Variants in NHS observed in about 807,000 individuals in gnomAD.
NHS encodes the protein actin remodeling regulator NHS.
A neutral mutation model predicts 72.5 loss-of-function variants in NHS; 5 were observed. The observed-to-expected ratio is 0.07, with a 90% confidence interval of 0.04 to 0.14. The LOEUF (loss-of-function observed/expected upper bound fraction) is 0.14, where lower values mean the gene tolerates loss of function less well. Ranked by LOEUF, NHS falls within the 10% of genes least tolerant of loss-of-function variation. The probability of loss-of-function intolerance (pLI) is 1.00; values close to 1 mark genes in which losing one functional copy is unlikely to be tolerated. For missense variants in NHS, 1,072 were observed against 1,355.7 expected (o/e 0.79, Z 3.29); for synonymous variants, 464 against 547.7 (o/e 0.85, Z 2.13).
intron 1 of NHS, among the ~76,000 whole-genome samples, chrX:17,474,696 G>A (rs993637959): frequency 1.8e-5 from 2 of 112,052 alleles, no homozygotes; most frequent in African/African-American, 6.5e-5. Context: ...TAGGTAGGGG[G>A]CAGGAGCTTG....
intron 1 of NHS, among the ~76,000 whole-genome samples, chrX:17,602,998 G>A (rs767083154): frequency 4.4e-4 from 48 of 109,660 alleles, no homozygotes; most frequent in African/African-American, 1.3e-3. Flanking sequence ...GTACCACCAC[G>A]CCCAGCTAAT....
intron 1 of NHS, among the ~76,000 whole-genome samples, chrX:17,531,498 G>T (rs1230800372): frequency 8.9e-6 from 1 of 112,083 alleles, no homozygotes; most frequent in East Asian, 2.8e-4. Context: ...AGCCTCTCTT[G>T]CATTTGTCCA....
chrX:17,718,130 AC>A (rs1489680082), intron 3 of NHS, among the ~76,000 whole-genome samples: 1 of 110,321 alleles, frequency 9.1e-6, no homozygotes, highest in African/African-American at 3.3e-5. Flanking sequence ...AATCCTCAAA[AC>A]AGCCCTGGAG....
chrX:17,628,917 T>C (rs2065811654), intron 1 of NHS, among the ~76,000 whole-genome samples: 2 of 113,047 alleles, frequency 1.8e-5, no homozygotes, highest in Non-Finnish European at 3.7e-5. Flanking sequence ...TCAATACATA[T>C]TTGCTGAATG....
intron 1 of NHS, among the ~76,000 whole-genome samples, chrX:17,496,410 A>G (rs1301498089): frequency 9.0e-6 from 1 of 111,248 alleles, no homozygotes; most frequent in African/African-American, 3.3e-5. Flanking sequence ...GTTTTTGACC[A>G]CTTTCTGGGA....
intron 1 of NHS, among the ~76,000 whole-genome samples, chrX:17,474,492 G>T (rs945188723): frequency 1.5e-4 from 17 of 111,680 alleles, no homozygotes; most frequent in African/African-American, 5.5e-4. Context: ...CTACTGGGGA[G>T]TGCCAGTGGA....
rs147762357 is a variant in NHS, at chrX:17,695,079, T to A, written c.852+2611T>A. Among the ~76,000 whole-genome samples the A allele has an allele frequency of 7.1e-5, 8 of 112,591 alleles. No individual in the cohort carries two copies. The East Asian group carries it at 2.2e-3, about 31-fold the overall frequency. Reference sequence around the variant, plus strand: ...AATGTGAGTCTATATTCAAAATCGTTTACAATAAAATTCTTACCATCAAAT... The same window carrying A: ...AATGTGAGTCTATATTCAAAATCGTATACAATAAAATTCTTACCATCAAAT... On this transcript the variant is annotated intron_variant, in intron 3 of 8. Coordinates refer to ENST00000676302, the MANE Select transcript of NHS (RefSeq NM_001291867.2).
chrX:17,537,208 C>G (rs2065230296), intron 1 of NHS, among the ~76,000 whole-genome samples: 2 of 112,062 alleles, frequency 1.8e-5, no homozygotes, highest in African/African-American at 3.2e-5. Context: ...TTTGCCTGTT[C>G]TGTTAGGTTT....
intron 1 of NHS, chrX:17,557,109 TTGTGTGTGTGTGTGTG>T (rs56659086): frequency 1.4e-4 from 12 of 87,664 alleles, no homozygotes; most frequent in East Asian, 1.1e-3. Context: ...AAGGGGGATT[TTGTGTGTGTGTGTGTG>T]TGTGTGTGTG....
chrX:17,675,448 T>C (rs1365818817), intron 1 of NHS, among the ~76,000 whole-genome samples: 3 of 112,346 alleles, frequency 2.7e-5, no homozygotes. Flanking sequence ...TTTCTAGTCC[T>C]GTCTACTGAA....
chrX:17,440,258 TAAAAAAAAAAAA>T (rs1036618487), intron 1 of NHS, among the ~76,000 whole-genome samples: 3 of 37,304 alleles, frequency 8.0e-5, no homozygotes, highest in African/African-American at 1.2e-4. Context: ...GACTCAGTCT[TAAAAAAAAAAAA>T]AAAAAAAAAA....
intron 2 of NHS, among the ~76,000 whole-genome samples, chrX:17,691,197 T>G (rs1427568790): frequency 8.9e-6 from 1 of 111,969 alleles, no homozygotes; most frequent in African/African-American, 3.3e-5. Context: ...ACTACTCCCC[T>G]CCTTTCACTT....
chrX:17,494,118 A>C (rs2065002622), intron 1 of NHS, among the ~76,000 whole-genome samples: 1 of 88,909 alleles, frequency 1.1e-5, no homozygotes. Flanking sequence ...TCACTCTATC[A>C]CCCAGGCTGT....
chrX:17,685,599 C>CT lies in NHS; in HGVS notation c.566-2134dup, dbSNP rs201449362. On this transcript the variant is annotated intron_variant, in intron 1 of 8. Coordinates refer to ENST00000676302, the MANE Select transcript of NHS (RefSeq NM_001291867.2). ...AGCAAAGCATGGGCACCAAAAAATG[C>CT]TTTTTTTTTCAGGTAACTTGATATT... 2.3e-4 allele frequency among the ~76,000 whole-genome samples: 25 copies of CT among 109,598 alleles called. No individual in the cohort carries two copies. In the Middle Eastern group the frequency reaches 0.023, roughly 102 times the overall value.
At chrX:17,707,647 T>C (rs752336195) in intron 3 of NHS, among the ~76,000 whole-genome samples, 20 of 111,673 alleles carry the variant, frequency 1.8e-4, no homozygotes, top group Admixed American at 1.9e-4. Context: ...ACGGGTCTTA[T>C]GAGAAAGCAG....
chrX:17,712,393 C>CATATAT (rs3074204), intron 3 of NHS, among the ~76,000 whole-genome samples: 35 of 81,439 alleles, frequency 4.3e-4, no homozygotes, highest in African/African-American at 1.6e-3. Context: ...CACACACACA[C>CATATAT]ATATATATAT....
At chrX:17,706,127 G>A (rs1199897070) in intron 3 of NHS, among the ~76,000 whole-genome samples, 2 of 111,165 alleles carry the variant, frequency 1.8e-5, no homozygotes, top group African/African-American at 3.3e-5. Flanking sequence ...GGGAGGTCGA[G>A]GCTACAGTGA....
chrX:17,606,552 T>C (rs773118270), intron 1 of NHS, among the ~76,000 whole-genome samples: 1 of 112,222 alleles, frequency 8.9e-6, no homozygotes, highest in East Asian at 2.8e-4. Context: ...AAAATGACCC[T>C]GTTGATTTAT....
chrX:17,655,554 T>C (rs969021552), intron 1 of NHS, among the ~76,000 whole-genome samples: 1 of 112,352 alleles, frequency 8.9e-6, no homozygotes, highest in African/African-American at 3.2e-5. Flanking sequence ...TTTTAGCAGG[T>C]TCCCTTTAGC....
Sources: gnomAD v4.1 joint callset for allele counts (sites outside exome capture counted in the v4.1 genomes callset) on GRCh38, gnomAD v4.1.1 for gene constraint, MANE v1.5 for transcripts, NCBI Gene and HGNC (gene_info 2026-07-23, HGNC 2026-07-21) for gene names.